SYTL5: variants seen among roughly 807,000 people sequenced by gnomAD.
SYTL5 encodes the protein synaptotagmin-like protein 5.
Under a neutral mutation model 55.9 loss-of-function variants are expected in SYTL5, and 34 were observed. The ratio of observed to expected loss-of-function variants is 0.61; its 90% CI spans 0.46 to 0.81. The LOEUF (loss-of-function observed/expected upper bound fraction) is 0.81, where lower values mean the gene tolerates loss of function less well. Ranked by LOEUF, SYTL5 falls within the 30% of genes least tolerant of loss-of-function variation. The pLI, the probability that SYTL5 is intolerant of heterozygous loss-of-function variation, is 0.00. For synonymous variants in SYTL5, 221 were observed against 188.7 expected, an observed-to-expected ratio of 1.17 and a Z score of -1.40; for missense variants, 637 against 546.7, an observed-to-expected ratio of 1.17 and a Z score of -1.65.
At chrX:38,088,636 G>A (rs951639531) in intron 6 of SYTL5, among the ~76,000 whole-genome samples, 1 of 112,434 alleles carries the variant, frequency 8.9e-6, no homozygotes, top group Non-Finnish European at 1.9e-5. Flanking sequence ...ACACATGAAA[G>A]TGATTCAAGC....
chrX:38,075,696 A>G (rs1936374015), intron 5 of SYTL5, among the ~76,000 whole-genome samples: 1 of 112,098 alleles, frequency 8.9e-6, no homozygotes, highest in South Asian at 3.7e-4. Context: ...ATGCTTTGAC[A>G]ATGACACTAT....
At chrX:38,051,946 A>G (rs1347496223) in intron 2 of SYTL5, among the ~76,000 whole-genome samples, 1 of 111,450 alleles carries the variant, frequency 9.0e-6, no homozygotes, top group African/African-American at 3.3e-5. Flanking sequence ...GAGAGGAGAA[A>G]TGATGGATAA....
chrX:37,931,182 A>T, the SYTL5 span, among the ~76,000 whole-genome samples: 1 of 111,971 alleles, frequency 8.9e-6, no homozygotes, highest in Admixed American at 9.5e-5. Context: ...TACTGTATCC[A>T]TTTGGTATTT....
chrX:38,124,123 C>T (rs1280466224), intron 15 of SYTL5, among the ~76,000 whole-genome samples: 8 of 111,387 alleles, frequency 7.2e-5, no homozygotes, highest in Non-Finnish European at 1.5e-4. Context: ...GCTCCTGTTT[C>T]AGCTATCCCA....
the SYTL5 span, among the ~76,000 whole-genome samples, chrX:37,950,604 A>T: frequency 9.0e-6 from 1 of 111,278 alleles, no homozygotes; most frequent in African/African-American, 3.3e-5. Flanking sequence ...TATTTAAGAA[A>T]CTCAAACCAG....
chrX:38,014,686 G>C (rs1401159302), intron 1 of SYTL5, among the ~76,000 whole-genome samples: 2 of 111,723 alleles, frequency 1.8e-5, no homozygotes, highest in African/African-American at 6.5e-5. Context: ...CAGGGAGGGG[G>C]CTTCCAGGTC....
intron 9 of SYTL5, among the ~76,000 whole-genome samples, chrX:38,100,860 G>T (rs1462123640): frequency 9.0e-6 from 1 of 111,113 alleles, no homozygotes; most frequent in African/African-American, 3.3e-5. Flanking sequence ...ACTGTGGTGT[G>T]TGTATATGCG....
At chrX:37,910,120 G>A in the SYTL5 span, among the ~76,000 whole-genome samples, 1 of 111,656 alleles carries the variant, frequency 9.0e-6, no homozygotes, top group African/African-American at 3.3e-5. Flanking sequence ...ATATTAGTTT[G>A]CTAGGGCTGC....
At chrX:38,062,342 G>A (rs755258808) in intron 3 of SYTL5, among the ~76,000 whole-genome samples, 27 of 111,989 alleles carry the variant, frequency 2.4e-4, no homozygotes, top group African/African-American at 7.5e-4. Flanking sequence ...ACATATTACC[G>A]TGCTATATGT....
the SYTL5 span, chrX:37,994,870 T>G: frequency 3.6e-5 from 4 of 110,993 alleles, no homozygotes; most frequent in African/African-American, 1.3e-4. Context: ...CCAGGTTGCT[T>G]CCATCTGCCC....
the SYTL5 span, among the ~76,000 whole-genome samples, chrX:37,966,740 G>A: frequency 2.7e-5 from 3 of 111,113 alleles, no homozygotes; most frequent in Admixed American, 2.8e-4. Flanking sequence ...CCAGCTCCAT[G>A]AATGTATTTT....
rs1054906814 is a variant in SYTL5, at chrX:38,093,170, A to C, written c.832-1125A>C. ...CTATATACCTCCAGCTACAGGTATT[A>C]TGTGTTGGAGAATAATAAGATACTA... is the stretch of plus-strand genomic sequence containing the variant. On this transcript the variant is annotated intron_variant, in intron 7 of 16. Coordinates refer to ENST00000297875, the MANE Select transcript of SYTL5 (RefSeq NM_138780.3). 5.4e-4 allele frequency among the ~76,000 whole-genome samples: 60 copies of C among 111,995 alleles called. 1 individual carries two copies. Among genetic ancestry groups the C allele is most frequent in the Non-Finnish European group, 1.3e-4 (7 of 53,188 alleles).
At chrX:38,057,059 G>T (rs1225728217) in intron 3 of SYTL5, among the ~76,000 whole-genome samples, 2 of 111,723 alleles carry the variant, frequency 1.8e-5, no homozygotes, top group African/African-American at 6.5e-5. Context: ...TGCTTGCCCA[G>T]ACCAATGTCC....
Position 38,033,706 on chromosome X carries a change from T to C in SYTL5, c.-184T>C, listed in dbSNP as rs773894893. On this transcript the variant is annotated 5_prime_UTR_variant, in exon 2 of 17. Transcript: ENST00000297875. ...TGGAGTGTAATCCCAGTGGAGGCTGTTCTACGTATAGCCTGAAAGAATACT... is the reference window on the plus strand; with the variant it reads ...TGGAGTGTAATCCCAGTGGAGGCTGCTCTACGTATAGCCTGAAAGAATACT... 6 of 284,816 alleles carry C rather than the reference T, an allele frequency of 2.1e-5. No individual in the cohort carries two copies. The highest frequency in any genetic ancestry group is 9.7e-4 in the Middle Eastern group (1 of 1,031). The allele number at this position is 284,816 out of a possible 1,213,427, so 23.5% of individuals were successfully genotyped here. A position where few individuals can be genotyped will look rare whatever the true frequency, so the allele number is the denominator to read the frequency against.
chrX:37,980,573 G>A, the SYTL5 span, among the ~76,000 whole-genome samples: 3 of 112,091 alleles, frequency 2.7e-5, no homozygotes, highest in Non-Finnish European at 5.6e-5. Context: ...TATGGTATTT[G>A]AACTAAGACC....
At chrX:37,907,986 A>C in the SYTL5 span, among the ~76,000 whole-genome samples, 1 of 110,770 alleles carries the variant, frequency 9.0e-6, no homozygotes, top group Non-Finnish European at 1.9e-5. Context: ...GCGCAGTAGC[A>C]TGTGCCTGTG....
chrX:38,041,284 G>A (rs751742420), intron 2 of SYTL5, among the ~76,000 whole-genome samples: 13 of 112,208 alleles, frequency 1.2e-4, no homozygotes, highest in East Asian at 5.6e-4. Flanking sequence ...GAGTCTAAGC[G>A]CCAAGCAATA....
the SYTL5 span, among the ~76,000 whole-genome samples, chrX:37,979,707 A>T: frequency 9.3e-6 from 1 of 107,841 alleles, no homozygotes; most frequent in Non-Finnish European, 1.9e-5. Flanking sequence ...CTAACTGAAG[A>T]CAGATCTTCA....
At chrX:37,927,649 G>C in the SYTL5 span, among the ~76,000 whole-genome samples, 1 of 110,426 alleles carries the variant, frequency 9.1e-6, no homozygotes, top group Non-Finnish European at 1.9e-5. Flanking sequence ...GTGGTGGTGC[G>C]CACCTGTAGT....
Sources: gnomAD v4.1 joint callset for allele counts (sites outside exome capture counted in the v4.1 genomes callset) on GRCh38, gnomAD v4.1.1 for gene constraint, MANE v1.5 for transcripts, NCBI Gene and HGNC (gene_info 2026-07-23, HGNC 2026-07-21) for gene names.